SLC3A2: variants seen among roughly 807,000 people sequenced by gnomAD.
SLC3A2 encodes amino acid transporter heavy chain SLC3A2.
In SLC3A2, 32 loss-of-function variants were observed where a neutral mutation model predicts 48.5. The ratio of observed to expected loss-of-function variants is 0.66; its 90% CI spans 0.50 to 0.89. The LOEUF (loss-of-function observed/expected upper bound fraction) is 0.89, where lower values mean the gene tolerates loss of function less well. Ranked by LOEUF, SLC3A2 falls within the 40% of genes least tolerant of loss-of-function variation. The pLI is 0.00. For synonymous variants in SLC3A2, 277 were observed against 288.8 expected, an observed-to-expected ratio of 0.96 and a Z score of 0.41; for missense variants, 587 against 680.7, an observed-to-expected ratio of 0.86 and a Z score of 1.53.
In SLC3A2 at chr11:62,888,559, G is replaced by A. The variant is rs1188224552; in HGVS notation, c.1456G>A (p.Ala486Thr). 5.0e-6 allele frequency: 8 copies of A among 1,613,800 alleles called. No individual in the cohort carries two copies. Among genetic ancestry groups the A allele is most frequent in the East Asian group, 4.5e-5 (2 of 44,888 alleles). The change falls in exon 9 of 9, where the codon GCC becomes ACC. Residue 486 changes from alanine (A) to threonine (T), a missense_variant. Physicochemically the swap from Ala to Thr is moderately conservative, Grantham distance 58 (BLOSUM62 0). Transcript: ENST00000338663. Reference sequence around the variant, plus strand: ...GCAGGCCTCCGACCTGCCTGCCAGCGCCAGCCTGCCAGCCAAGGCTGACCT... The same window carrying A: ...GCAGGCCTCCGACCTGCCTGCCAGCACCAGCCTGCCAGCCAAGGCTGACCT... ...GLQASDLPAS[A>T]SLPAKADLLL...
At position 62,888,456 on chromosome 11, in the gene SLC3A2, C is replaced by T; in HGVS notation, c.1353C>T (p.Ser451=). The change falls in exon 9 of 9, where the codon TCC becomes TCT. Residue 451 remains serine (S), a synonymous_variant. Transcript: ENST00000338663. ...TCTCCGCTGGGCCTGGACTCTTCTCCTATATCCGCCACTGGGACCAGAATG... is the reference window on the plus strand; with the variant it reads ...TCTCCGCTGGGCCTGGACTCTTCTCTTATATCCGCCACTGGGACCAGAATG... ...HAFSAGPGLF[S]YIRHWDQNER... is the part of the protein sequence containing the mutation. The T allele has an allele frequency of 3.1e-6, 5 of 1,614,246 alleles. No homozygotes were observed. Among genetic ancestry groups the T allele is most frequent in the Non-Finnish European group, 3.4e-6 (4 of 1,180,032 alleles).
intron 1 of SLC3A2, among the ~76,000 whole-genome samples, chr11:62,862,945 G>A (rs2085417331): frequency 6.6e-6 from 1 of 152,134 alleles, no homozygotes; most frequent in Admixed American, 6.5e-5. Flanking sequence ...TTTTTGAGAT[G>A]GGGTCTCATT....
Position 62,881,382 on chromosome 11 carries a change from C to T in SLC3A2, c.359C>T (p.Thr120Met). 2 of 1,596,738 alleles carry T rather than the reference C, an allele frequency of 1.3e-6. No homozygotes were observed. Among genetic ancestry groups the T allele is most frequent in the Non-Finnish European group, 1.7e-6 (2 of 1,177,572 alleles). Residue 120 changes from threonine to methionine, a missense_variant, in exon 1 of 9, where the codon ACG becomes ATG. This residue lies in a region of SLC3A2 where 409 missense variants were observed against 446.7 expected (regional missense o/e 0.92). Transcript: ENST00000338663. This position sits in a 1 kb window ranked among gnomAD's most constrained non-coding sequence, Gnocchi z 4.0. ...RELPAQKWWH[T>M]GALYRIGDLQ... Reference sequence around the variant, plus strand: ...CTACCGGCGCAGAAGTGGTGGCACACGGGCGCCCTCTACCGCATCGGCGAC... The same window carrying T: ...CTACCGGCGCAGAAGTGGTGGCACATGGGCGCCCTCTACCGCATCGGCGAC...
intron 2 of SLC3A2, 29 bp from the exon 3 acceptor site, chr11:62,882,879 C>T (rs376960728): frequency 5.1e-6 from 8 of 1,553,722 alleles, no homozygotes; most frequent in Admixed American, 1.7e-5. Flanking sequence ...TAGACTGTCT[C>T]ATGATTGCGT....
chr11:62,885,111 G>T, intron 5 of SLC3A2, 66 bp from the exon 6 acceptor site: 1 of 1,559,692 alleles, frequency 6.4e-7, no homozygotes, highest in Non-Finnish European at 8.8e-7. Flanking sequence ...GATTACAGGC[G>T]TGAGCCACTG....
At chr11:62,883,527 G>A (rs1199238480) in intron 3 of SLC3A2, 1 of 180,964 alleles carries the variant, frequency 5.5e-6, no homozygotes. Context: ...GGCTTTGAAT[G>A]TCACCTAGCT....
chr11:62,856,204 C>A, exon 1 of SLC3A2: 1 of 1,284,812 alleles, frequency 7.8e-7, no homozygotes, highest in Non-Finnish European at 1.1e-6. Flanking sequence ...GACTGCCTAC[C>A]CTCTAACCCT....
intron 1 of SLC3A2, among the ~76,000 whole-genome samples, chr11:62,862,332 T>TAAA (rs2085408898): frequency 2.8e-4 from 1 of 3,558 alleles, no homozygotes; most frequent in African/African-American, 1.9e-3. Flanking sequence ...AGACTCTGTC[T>TAAA]CAAAAAAAAA....
intron 1 of SLC3A2, among the ~76,000 whole-genome samples, chr11:62,861,121 C>A (rs1451004617): frequency 2.0e-5 from 3 of 152,070 alleles, no homozygotes; most frequent in African/African-American, 4.8e-5. Context: ...AAGCAGACTA[C>A]TTGAGCCCAG....
intron 7 of SLC3A2, chr11:62,887,801 C>CTT: frequency 1.6e-5 from 3 of 193,354 alleles, no homozygotes; most frequent in East Asian, 1.3e-4. Context: ...GGGCCCAGGG[C>CTT]TTTTTTTTTG....
upstream of SLC3A2, among the ~76,000 whole-genome samples, chr11:62,879,397 T>C (rs1327411221): frequency 6.6e-6 from 1 of 152,250 alleles, no homozygotes; most frequent in African/African-American, 2.4e-5. Context: ...TGAGTCACAC[T>C]GCGCCCAGCC....
intron 1 of SLC3A2, among the ~76,000 whole-genome samples, chr11:62,857,695 CAAAAAAAAAAAAAA>C (rs56818745): frequency 1.9e-5 from 1 of 52,800 alleles, no homozygotes; most frequent in East Asian, 5.7e-4. Context: ...GACCCTGTCT[CAAAAAAAAAAAAAA>C]AAAAAAAAAA....
upstream of SLC3A2, among the ~76,000 whole-genome samples, chr11:62,878,165 A>G (rs149629657): frequency 6.6e-6 from 1 of 151,940 alleles, no homozygotes; most frequent in Admixed American, 6.6e-5. Context: ...TCTCAAAAAA[A>G]AAAAAACAAA....
chr11:62,884,614 C>T lies in SLC3A2; in HGVS notation c.760-18C>T, dbSNP rs200640067. 30 of 1,611,508 alleles carry T rather than the reference C, an allele frequency of 1.9e-5. No homozygotes were observed. In the East Asian group the frequency reaches 6.7e-4, roughly 36 times the overall value. On this transcript the variant is annotated intron_variant, in intron 4 of 8. Coordinates refer to ENST00000338663, the MANE Select transcript of SLC3A2 (RefSeq NM_001013251.3). Reference sequence around the variant, plus strand: ...TCATAATATTCTCTGGTCCTTGATTCTGCTTTTTTCTTTCTAGGATGCATC... The same window carrying T: ...TCATAATATTCTCTGGTCCTTGATTTTGCTTTTTTCTTTCTAGGATGCATC...
upstream of SLC3A2, among the ~76,000 whole-genome samples, chr11:62,880,175 G>A (rs1001723486): frequency 1.3e-5 from 2 of 152,122 alleles, no homozygotes; most frequent in African/African-American, 2.4e-5. Flanking sequence ...TAAGAAGGGG[G>A]GTGTCTACCT....
upstream of SLC3A2, among the ~76,000 whole-genome samples, chr11:62,879,126 G>A (rs997635970): frequency 1.3e-5 from 2 of 150,612 alleles, no homozygotes; most frequent in African/African-American, 4.9e-5. Flanking sequence ...GGAGTGCAGT[G>A]GCCCATTCTT....
chr11:62,857,695 CAAAAAAAAAAAAAAA>C (rs56818745), intron 1 of SLC3A2, among the ~76,000 whole-genome samples: 1 of 52,796 alleles, frequency 1.9e-5, no homozygotes, highest in Admixed American at 3.4e-4. Flanking sequence ...GACCCTGTCT[CAAAAAAAAAAAAAAA>C]AAAAAAAAAA....
At chr11:62,874,895 T>C (rs889634550) in intron 1 of SLC3A2, among the ~76,000 whole-genome samples, 8 of 151,986 alleles carry the variant, frequency 5.3e-5, no homozygotes, top group Non-Finnish European at 1.0e-4. Flanking sequence ...GCCAAGTAGC[T>C]GGGATTACAG....
At chr11:62,870,195 T>A (rs890352227) in intron 1 of SLC3A2, among the ~76,000 whole-genome samples, 26 of 151,810 alleles carry the variant, frequency 1.7e-4, no homozygotes, top group Admixed American at 3.9e-4. Context: ...TTATTTATTT[T>A]TTTTTGAGAC....
Sources: allele counts gnomAD v4.1 joint callset (sites outside exome capture counted in the v4.1 genomes callset), GRCh38; gene constraint gnomAD v4.1.1; regional missense constraint gnomAD v4.1.1; non-coding constraint Gnocchi (gnomAD v3.1); transcripts MANE v1.5; gene names NCBI Gene and HGNC (gene_info 2026-07-23, HGNC 2026-07-21).